The following CCDC180 variants were observed in gnomAD, a reference collection of about 807,000 sequenced individuals.
CCDC180 encodes the protein coiled-coil domain containing 180, also known as coiled-coil domain-containing protein 180.
A neutral mutation model predicts 209.2 loss-of-function variants in CCDC180; 154 were observed. The observed-to-expected ratio is 0.74, with a 90% CI of 0.65 to 0.84. The LOEUF (loss-of-function observed/expected upper bound fraction) is 0.84. Ranked by LOEUF, CCDC180 falls within the 40% of genes least tolerant of loss-of-function variation. The pLI is 0.00. For missense variants in CCDC180, 1,874 were observed against 1,997.3 expected, an observed-to-expected ratio of 0.94 and a Z score of 1.18; for synonymous variants, 778 against 749.1, an observed-to-expected ratio of 1.04 and a Z score of -0.63.
At chr9:97,323,738 C>G (rs546629296) in intron 12 of CCDC180, 43 bp from the exon 13 acceptor site, 13 of 1,532,564 alleles carry the variant, frequency 8.5e-6, no homozygotes, top group Non-Finnish European at 1.1e-5. Context: ...CCTGTGGGGA[C>G]CTCAGTCCTA....
At chr9:97,363,971 C>T (rs549703999) in intron 28 of CCDC180, 80 bp from the exon 29 acceptor site, 4 of 1,410,076 alleles carry the variant, frequency 2.8e-6, no homozygotes, top group Admixed American at 3.8e-5. Context: ...TCCAGAAACC[C>T]AGGCAGGGAT....
intron 11 of CCDC180, among the ~76,000 whole-genome samples, chr9:97,321,234 T>C (rs1833347806): frequency 1.3e-5 from 2 of 152,246 alleles, no homozygotes; most frequent in Admixed American, 1.3e-4. Context: ...TTTCAGCTTA[T>C]GGTGGATTTA....
At chr9:97,369,208 G>A (rs1827006030) in intron 31 of CCDC180, 1 of 152,098 alleles carries the variant, frequency 6.6e-6, no homozygotes, top group African/African-American at 2.4e-5. Context: ...TGAAAATATG[G>A]GAGAGAGGTA....
In CCDC180 at chr9:97,366,725, C is replaced by T. The variant is rs370298417; in HGVS notation, c.4189+25C>T. 1,300 of 1,612,318 alleles carry T rather than the reference C, an allele frequency of 8.1e-4. 2 individuals carry two copies. Among genetic ancestry groups the T allele is most frequent in the Middle Eastern group, 3.0e-3 (18 of 6,022 alleles). On this transcript the variant is annotated intron_variant, in intron 31 of 36. Transcript: ENST00000529487. This position sits in a 1 kb window ranked among gnomAD's most constrained non-coding sequence, Gnocchi z 4.3. ...GGTGAGTATAGGCAGCAGGAAGGCA[C>T]GGGGAACAGGGCGGGGCGCGAAGCC...
Position 97,318,660 on chromosome 9 carries a change from C to T in CCDC180, c.1079+78C>T. 3 of 1,562,724 alleles carry T rather than the reference C, an allele frequency of 1.9e-6. No individual in the cohort carries two copies. The South Asian group carries it at 3.4e-5, about 18-fold the overall frequency. ...GAGGCAGAAGTGGCCTGCAGTCTGT[C>T]CCCCAAGGCATCCTTCAGACTAAGC... On this transcript the variant is annotated intron_variant, in intron 10 of 36. Transcript: ENST00000529487.
At chr9:97,337,098 G>T (rs979834666) in intron 18 of CCDC180, among the ~76,000 whole-genome samples, 2 of 152,164 alleles carry the variant, frequency 1.3e-5, no homozygotes, top group Admixed American at 1.3e-4. Context: ...ATACAATTAG[G>T]TCATCTGCAA....
At chr9:97,335,743 G>T (rs1206939137) in intron 18 of CCDC180, among the ~76,000 whole-genome samples, 1 of 152,174 alleles carries the variant, frequency 6.6e-6, no homozygotes, top group Admixed American at 6.5e-5. Flanking sequence ...GATCCTTGAG[G>T]AATCGCCACA....
At chr9:97,342,534 C>T (rs1826117674) in intron 18 of CCDC180, among the ~76,000 whole-genome samples, 1 of 152,196 alleles carries the variant, frequency 6.6e-6, no homozygotes, top group South Asian at 2.1e-4. Flanking sequence ...CTGCCTCAGC[C>T]TCTCAAAGTG....
intron 8 of CCDC180, among the ~76,000 whole-genome samples, chr9:97,316,234 A>C (rs1833168126): frequency 6.6e-6 from 1 of 152,090 alleles, no homozygotes; most frequent in Non-Finnish European, 1.5e-5. Flanking sequence ...CATTTTTCTC[A>C]TTTATTTTCA....
chr9:97,319,395 G>A (rs1037468499), intron 10 of CCDC180, among the ~76,000 whole-genome samples: 3 of 152,124 alleles, frequency 2.0e-5, no homozygotes, highest in East Asian at 1.9e-4. Flanking sequence ...GGTAAATCAC[G>A]TGTTGTGGGG....
At chr9:97,326,504 G>A (rs1564153626) in intron 14 of CCDC180, 50 bp from the exon 15 acceptor site, 1 of 1,100,434 alleles carries the variant, frequency 9.1e-7, no homozygotes. Flanking sequence ...TACACTCTGT[G>A]AGCACTGGAG....
chr9:97,364,184 G>A (rs992311289), intron 29 of CCDC180, 56 bp downstream of exon 29: 3 of 1,538,844 alleles, frequency 1.9e-6, no homozygotes, highest in Non-Finnish European at 2.7e-6. Flanking sequence ...GGTTGCAGGG[G>A]CAGCAAATGT....
intron 22 of CCDC180, 57 bp downstream of exon 22, chr9:97,350,612 G>A: frequency 6.7e-7 from 1 of 1,494,156 alleles, no homozygotes; most frequent in Admixed American, 2.2e-5. Flanking sequence ...ATTGGGATGT[G>A]GTCTTGTTTC....
intron 31 of CCDC180, among the ~76,000 whole-genome samples, chr9:97,367,061 C>T (rs1467808461): frequency 3.3e-5 from 5 of 152,122 alleles, no homozygotes; most frequent in Admixed American, 1.3e-4. Context: ...ATGCAATCAC[C>T]GCTACCGTCA....
At chr9:97,352,099 T>A (rs1211834912) in intron 22 of CCDC180, among the ~76,000 whole-genome samples, 2 of 150,068 alleles carry the variant, frequency 1.3e-5, no homozygotes, top group African/African-American at 2.5e-5. Context: ...GGAGACAGAG[T>A]GAGATTCCAT....
chr9:97,371,668 T>C lies in CCDC180; in HGVS notation c.4562T>C (p.Leu1521Ser), dbSNP rs1414729534. 1.2e-6 allele frequency: 2 copies of C among 1,604,804 alleles called. No individual in the cohort carries two copies. The highest frequency in any genetic ancestry group is 2.7e-5 in the African/African-American group (2 of 74,616). The change falls in exon 34 of 37, where the codon TTG (leucine) becomes TCG (serine). Residue 1521 changes from leucine to serine, a missense_variant. By Grantham distance (145) the Leu-to-Ser change is moderately radical. Coordinates refer to ENST00000529487, the MANE Select transcript of CCDC180 (RefSeq NM_020893.6). ...ATFTEKFLLQ[L>S]DEVVTIDDVQ... ...TTCACCGAGAAGTTCCTACTGCAGTTGGATGAGGTGGTCACCATTGACGAT... is the reference window on the plus strand; with the variant it reads ...TTCACCGAGAAGTTCCTACTGCAGTCGGATGAGGTGGTCACCATTGACGAT...
In CCDC180 at chr9:97,307,972, C is replaced by T. The variant is rs1379740918; in HGVS notation, c.-81-11C>T. 5 of 1,586,228 alleles carry T rather than the reference C, an allele frequency of 3.2e-6. No individual in the cohort carries two copies. In the African/African-American group the frequency reaches 6.7e-5, roughly 21 times the overall value. ...AACCTGAGTTTGGGACGGGCGATTTCCCAACCTCAGGAATTGGAATTGAGA... is the reference window on the plus strand; with the variant it reads ...AACCTGAGTTTGGGACGGGCGATTTTCCAACCTCAGGAATTGGAATTGAGA... On this transcript the variant is annotated splice_polypyrimidine_tract_variant and intron_variant, in intron 1 of 36. Transcript: ENST00000529487.
At chr9:97,354,754 G>A (rs750182614) in intron 23 of CCDC180, 41 bp downstream of exon 23, 1 of 1,613,380 alleles carries the variant, frequency 6.2e-7, no homozygotes, top group East Asian at 2.2e-5. Context: ...CGGTTCCACA[G>A]TATCCCTTGC....
intron 29 of CCDC180, chr9:97,364,622 A>G: frequency 6.1e-6 from 1 of 163,408 alleles, no homozygotes; most frequent in South Asian, 1.6e-4. Context: ...GCCCCCTCTC[A>G]TCAGCCCTCT....
Sources: gnomAD v4.1 joint callset for allele counts (sites outside exome capture counted in the v4.1 genomes callset) on GRCh38, gnomAD v4.1.1 for gene constraint, Gnocchi (gnomAD v3.1) non-coding constraint, MANE v1.5 for transcripts, NCBI Gene and HGNC (gene_info 2026-07-23, HGNC 2026-07-21) for gene names.